The following TADA3 variants were observed in gnomAD, a reference collection of about 807,000 sequenced individuals.
TADA3 encodes the protein transcriptional adaptor 3.
Under a neutral mutation model 43.2 loss-of-function variants are expected in TADA3, and 25 were observed. The observed-to-expected ratio is 0.58, with a 90% CI of 0.42 to 0.81. The LOEUF is 0.81. TADA3 is among the 30% of genes least tolerant of loss of function. TADA3 has a pLI of 0.00. For missense variants in TADA3, 441 were observed against 567.8 expected, an observed-to-expected ratio of 0.78 and a Z score of 2.27; for synonymous variants, 235 against 225.5, an observed-to-expected ratio of 1.04 and a Z score of -0.38.
At chr3:9,784,584 G>C (rs748312020) in intron 7 of TADA3, among the ~76,000 whole-genome samples, 1 of 151,874 alleles carries the variant, frequency 6.6e-6, no homozygotes, top group Non-Finnish European at 1.5e-5. Context: ...TTGTAAGTAA[G>C]CCAGGCATGG....
At chr3:9,787,836 C>A in intron 4 of TADA3, 1 of 677,860 alleles carries the variant, frequency 1.5e-6, no homozygotes, top group Non-Finnish European at 2.3e-6. Context: ...TGAAAGAGTG[C>A]TTTGGTGGAG....
intron 8 of TADA3, chr3:9,781,404 C>G (rs2078460571): frequency 7.0e-6 from 3 of 427,112 alleles, no homozygotes; most frequent in African/African-American, 6.1e-5. Flanking sequence ...CATATGTTAC[C>G]CGTGAGGAAA....
At position 9,784,064 on chromosome 3, in the gene TADA3, C is replaced by G. The variant is rs199623817; in HGVS notation, c.1070G>C (p.Ser357Thr). The change falls in exon 8 of 9, where the codon AGT (serine) becomes ACT (threonine). Residue 357 changes from serine to threonine, a missense_variant. Physicochemically the swap from Ser to Thr is moderately conservative, Grantham distance 58. Coordinates refer to ENST00000301964, the MANE Select transcript of TADA3 (RefSeq NM_006354.5). ...RKRQAELKAL[S>T]AHNRTKKHDL... ...GTGCTTCTTGGTGCGGTTGTGGGCA[C>G]TAAGTGCCTTCAGCTCAGCCTGCCG... 2.7e-5 allele frequency: 43 copies of G among 1,614,188 alleles called. No individual in the cohort carries two copies. The highest frequency in any genetic ancestry group is 2.5e-4 in the Admixed American group (15 of 60,018).
chr3:9,792,886 C>G (rs866110979), upstream of TADA3: 1 of 1,386,700 alleles, frequency 7.2e-7, no homozygotes, highest in African/African-American at 1.5e-5. Context: ...GCACCCATTC[C>G]TGGAGGAGCT....
At chr3:9,780,819 G>A (rs1436571284) in intron 8 of TADA3, among the ~76,000 whole-genome samples, 2 of 152,148 alleles carry the variant, frequency 1.3e-5, no homozygotes, top group Non-Finnish European at 2.9e-5. Context: ...TCTCAATTTT[G>A]TTGTGAACTT....
chr3:9,786,141 A>G (rs1173301334), intron 6 of TADA3, among the ~76,000 whole-genome samples: 2 of 151,842 alleles, frequency 1.3e-5, no homozygotes, highest in Non-Finnish European at 2.9e-5. Context: ...GGGTTTCATC[A>G]TGTTAGCCAG....
Position 9,784,115 on chromosome 3 carries a change from T to A in TADA3, c.1019A>T (p.Asp340Val), listed in dbSNP as rs1262618238. Residue 340 changes from aspartate to valine, a missense_variant, in exon 8 of 9, where the codon GAT (aspartate) becomes GTT (valine). Transcript: ENST00000301964. ...SEDRPAEDSE[D>V]EVLAELRKRQ... ...TTTGCGAAGCTCAGCAAGGACCTCA[T>A]CCTCGGAGTCCTCTGCGGGGCGGTC... 5 of 1,614,136 alleles carry A rather than the reference T, an allele frequency of 3.1e-6. No individual in the cohort carries two copies. The highest frequency in any genetic ancestry group is 4.2e-6 in the Non-Finnish European group (5 of 1,180,004).
chr3:9,789,645 C>T (rs1264857205), intron 3 of TADA3, 31 bp from the exon 4 acceptor site: 3 of 1,612,046 alleles, frequency 1.9e-6, no homozygotes, highest in South Asian at 1.1e-5. Context: ...TGAGTGGGCG[C>T]CCCTGCCCCA....
chr3:9,784,611 T>C (rs1156698562), intron 7 of TADA3, among the ~76,000 whole-genome samples: 1 of 152,108 alleles, frequency 6.6e-6, no homozygotes, highest in Non-Finnish European at 1.5e-5. Context: ...ACACCTGTAA[T>C]CCCAGCACTT....
At chr3:9,785,495 C>A in intron 6 of TADA3, 70 bp from the exon 7 acceptor site, 1 of 1,045,338 alleles carries the variant, frequency 9.6e-7, no homozygotes, top group Non-Finnish European at 1.4e-6. Context: ...CTGACCTACA[C>A]TGACAGTCTT....
chr3:9,787,781 G>C (rs920054743), intron 4 of TADA3: 52 of 1,164,244 alleles, frequency 4.5e-5, no homozygotes, highest in Non-Finnish European at 5.9e-5. Context: ...TCAAAGTGTT[G>C]TGGCAGCACA....
At chr3:9,782,155 T>G (rs2078484327) in intron 8 of TADA3, among the ~76,000 whole-genome samples, 1 of 152,188 alleles carries the variant, frequency 6.6e-6, no homozygotes, top group Non-Finnish European at 1.5e-5. Context: ...ACTACTTCTG[T>G]AACTGCACAT....
chr3:9,792,621 G>A, upstream of TADA3: 1 of 1,230,316 alleles, frequency 8.1e-7, no homozygotes, highest in Non-Finnish European at 1.0e-6. Context: ...GGCGAGCCCC[G>A]GGGCACAGCC....
chr3:9,792,772 C>T, upstream of TADA3: 14 of 1,249,322 alleles, frequency 1.1e-5, no homozygotes, highest in Non-Finnish European at 1.3e-5. Flanking sequence ...TCCGCTTCGG[C>T]TTGTCCTAAT....
At position 9,791,373 on chromosome 3, in the gene TADA3, G is replaced by A. The variant is rs1313949487; in HGVS notation, c.94C>T (p.Arg32Cys). The change falls in exon 2 of 9, where the codon CGC (arginine) becomes TGC (cysteine). Residue 32 changes from arginine (R) to cysteine (C), a missense_variant. Arg to Cys is a radical substitution (Grantham distance 180, BLOSUM62 -3). Coordinates refer to ENST00000301964, the MANE Select transcript of TADA3 (RefSeq NM_006354.5). ...VCPRYTAVLA[R>C]SEDDGIGIEE... Reference sequence around the variant, plus strand: ...ATGCCGATGCCATCATCCTCAGAGCGTGCCAGCACTGCCGTGTAGCGGGGA... The same window carrying A: ...ATGCCGATGCCATCATCCTCAGAGCATGCCAGCACTGCCGTGTAGCGGGGA... 3 of 1,614,092 alleles carry A rather than the reference G, an allele frequency of 1.9e-6. No homozygotes were observed. Among genetic ancestry groups the A allele is most frequent in the African/African-American group, 1.3e-5 (1 of 74,940 alleles).
chr3:9,786,007 C>T (rs293785), intron 6 of TADA3, among the ~76,000 whole-genome samples: 27,972 of 151,458 alleles, frequency 0.18, 2,930 homozygotes, highest in African/African-American at 0.26. Flanking sequence ...GGCACAATTT[C>T]GGCTTACTGC....
At position 9,784,096 on chromosome 3, in the gene TADA3, A is replaced by C; in HGVS notation, c.1038T>G (p.Leu346=). 6.2e-7 allele frequency: 1 copy of C among 1,614,154 alleles called. No individual in the cohort carries two copies. The highest frequency in any genetic ancestry group is 8.5e-7 in the Non-Finnish European group (1 of 1,180,010). ...CCTTCAGCTCAGCCTGCCGTTTGCG[A>C]AGCTCAGCAAGGACCTCATCCTCGG... is the stretch of plus-strand genomic sequence containing the variant. ...EDSEDEVLAE[L]RKRQAELKAL... The change falls in exon 8 of 9, where the codon CTT becomes CTG. Residue 346 remains leucine, a synonymous_variant. Transcript: ENST00000301964.
upstream of TADA3, chr3:9,792,792 A>T: frequency 7.9e-7 from 1 of 1,262,636 alleles, no homozygotes; most frequent in Non-Finnish European, 1.0e-6. Flanking sequence ...TTTGGTGCCC[A>T]ATCTGAAGCT....
Position 9,780,369 on chromosome 3 carries a change from C to T in TADA3, c.1287G>A (p.Leu429=). 1.2e-6 allele frequency: 2 copies of T among 1,612,490 alleles called. No homozygotes were observed. The highest frequency in any genetic ancestry group is 1.7e-6 in the Non-Finnish European group (2 of 1,179,324). The change falls in exon 9 of 9, where the codon CTG becomes CTA. Residue 429 remains leucine (L), a synonymous_variant. Transcript: ENST00000301964. ...TLKERESILK[L]LDG ...GCAGGGGTGAGGGCTACCCATCCAG[C>T]AGCTTCAGGATGCTCTCACGCTCCT...
Sources: allele counts gnomAD v4.1 joint callset (sites outside exome capture counted in the v4.1 genomes callset), GRCh38; gene constraint gnomAD v4.1.1; transcripts MANE v1.5; gene names NCBI Gene and HGNC (gene_info 2026-07-23, HGNC 2026-07-21).